GALNT7: variants seen among roughly 807,000 people sequenced by gnomAD.
GALNT7 encodes polypeptide N-acetylgalactosaminyltransferase 7.
A neutral mutation model predicts 82.1 loss-of-function variants in GALNT7; 60 were observed. The ratio of observed to expected loss-of-function variants is 0.73; its 90% CI spans 0.59 to 0.91. The LOEUF (loss-of-function observed/expected upper bound fraction) is 0.91. GALNT7 is among the 40% of genes least tolerant of loss of function. The pLI is 0.00. For missense variants in GALNT7, 660 were observed against 804.2 expected (o/e 0.82, Z 2.17); for synonymous variants, 243 against 275.1 (o/e 0.88, Z 1.15).
intron 1 of GALNT7, among the ~76,000 whole-genome samples, chr4:173,191,349 C>T (rs1159652611): frequency 6.6e-6 from 1 of 152,130 alleles, no homozygotes; most frequent in African/African-American, 2.4e-5. Context: ...GGTGAGTTGC[C>T]TTTAAGCAGC....
At chr4:173,238,359 A>T (rs958873140) in intron 1 of GALNT7, among the ~76,000 whole-genome samples, 2 of 152,204 alleles carry the variant, frequency 1.3e-5, no homozygotes, top group Non-Finnish European at 2.9e-5. Flanking sequence ...AATGCTACTT[A>T]GGAGCTTTCT....
intron 1 of GALNT7, among the ~76,000 whole-genome samples, chr4:173,237,154 AT>A (rs1231893035): frequency 1.1e-4 from 16 of 152,358 alleles, no homozygotes; most frequent in Admixed American, 2.6e-4. Context: ...AGGCTTTAAA[AT>A]GATACATCTG....
chr4:173,182,402 T>TTAAAAA (rs1449328755), intron 1 of GALNT7, among the ~76,000 whole-genome samples: 1 of 152,242 alleles, frequency 6.6e-6, no homozygotes, highest in Non-Finnish European at 1.5e-5. Flanking sequence ...TTAATTCTTT[T>TTAAAAA]TAAAAATAAC....
rs538821135 is a variant in GALNT7 at position 173,190,819 on chromosome 4, T to C, written c.126+21858T>C. 3.3e-5 allele frequency among the ~76,000 whole-genome samples: 5 copies of C among 152,336 alleles called. No individual in the cohort carries two copies. In the South Asian group the frequency reaches 1.0e-3, roughly 32 times the overall value. Reference sequence around the variant, plus strand: ...ATAGAGTCAATGTCTCTTGTCTTTTTTCTGCCAACTGGAATAATCCCTACT... The same window carrying C: ...ATAGAGTCAATGTCTCTTGTCTTTTCTCTGCCAACTGGAATAATCCCTACT... On this transcript the variant is annotated intron_variant, in intron 1 of 11. Transcript: ENST00000265000.
At chr4:173,213,507 G>A (rs1179774464) in intron 1 of GALNT7, among the ~76,000 whole-genome samples, 1 of 152,146 alleles carries the variant, frequency 6.6e-6, no homozygotes, top group Non-Finnish European at 1.5e-5. Flanking sequence ...CAATGAGACA[G>A]TAGTGTTTAA....
intron 1 of GALNT7, among the ~76,000 whole-genome samples, chr4:173,199,359 C>G (rs1054012792): frequency 1.3e-5 from 2 of 152,092 alleles, no homozygotes; most frequent in African/African-American, 4.8e-5. Flanking sequence ...CATCTGCATG[C>G]GAACACTGGG....
At position 173,318,464 on chromosome 4, in the gene GALNT7, C is replaced by A; in HGVS notation, c.1741C>A (p.Gln581Lys). 6.3e-7 allele frequency: 1 copy of A among 1,598,508 alleles called. No individual in the cohort carries two copies. The highest frequency in any genetic ancestry group is 8.6e-7 in the Non-Finnish European group (1 of 1,169,136). ...FRINEANQLM[Q>K]YDQCLTKGAD... Reference sequence around the variant, plus strand: ...AATCAATGAAGCAAATCAACTCATGCAGTATGACCAGTGTTTGACAAAGGG... The same window carrying A: ...AATCAATGAAGCAAATCAACTCATGAAGTATGACCAGTGTTTGACAAAGGG... Residue 581 changes from glutamine (Q) to lysine (K), a missense_variant, in exon 11 of 12, where the codon CAG becomes AAG. Physicochemically the swap from Gln to Lys is moderately conservative, Grantham distance 53 (BLOSUM62 1). Around this residue, in one of 2 missense-constraint regions of GALNT7, gnomAD observed 527 missense variants for 683.5 expected, o/e 0.77. Coordinates refer to ENST00000265000, the MANE Select transcript of GALNT7 (RefSeq NM_017423.3).
In GALNT7 at chr4:173,168,841, G is replaced by A. The variant is rs747786212; in HGVS notation, c.6G>A (p.Arg2=). ...TCTCTCGCCGCCGGAGGAAGATGAG[G>A]CTGAAGATTGGGTTCATCTTACGCA... M[R]LKIGFILRSL... The change falls in exon 1 of 12, where the codon AGG becomes AGA. Residue 2 remains arginine, a synonymous_variant. Coordinates refer to ENST00000265000, the MANE Select transcript of GALNT7 (RefSeq NM_017423.3). 7.4e-6 allele frequency: 12 copies of A among 1,613,030 alleles called. No individual in the cohort carries two copies. In the East Asian group the frequency reaches 2.7e-4, roughly 36 times the overall value.
chr4:173,196,216 C>T (rs1732771041), intron 1 of GALNT7, among the ~76,000 whole-genome samples: 1 of 152,012 alleles, frequency 6.6e-6, no homozygotes, highest in Non-Finnish European at 1.5e-5. Flanking sequence ...CCTCCACCTC[C>T]TAGGTTCAAG....
chr4:173,261,948 T>G (rs1010776169), intron 2 of GALNT7, among the ~76,000 whole-genome samples: 1 of 152,204 alleles, frequency 6.6e-6, no homozygotes, highest in Admixed American at 6.5e-5. Flanking sequence ...CATTTAAGAA[T>G]AATAATTTCA....
chr4:173,223,175 A>G (rs1733697011), intron 1 of GALNT7, among the ~76,000 whole-genome samples: 2 of 152,294 alleles, frequency 1.3e-5, no homozygotes, highest in Admixed American at 1.3e-4. Flanking sequence ...ATAACCATTG[A>G]TACACACTGT....
chr4:173,245,604 A>G (rs1319360089), intron 1 of GALNT7, among the ~76,000 whole-genome samples: 1 of 152,158 alleles, frequency 6.6e-6, no homozygotes, highest in African/African-American at 2.4e-5. Flanking sequence ...TTTTTGTGTT[A>G]TACTTGTTTC....
At chr4:173,188,745 T>G (rs1732531632) in intron 1 of GALNT7, among the ~76,000 whole-genome samples, 1 of 152,200 alleles carries the variant, frequency 6.6e-6, no homozygotes, top group Non-Finnish European at 1.5e-5. Context: ...CTTACCATCC[T>G]TCAAGATCAG....
intron 1 of GALNT7, among the ~76,000 whole-genome samples, chr4:173,199,124 C>A (rs71609815): frequency 0.03 from 4,638 of 152,148 alleles, 91 homozygotes; most frequent in Non-Finnish European, 0.048. Context: ...TGTAGTAAAT[C>A]TTTTTCGAGC....
Position 173,222,310 on chromosome 4 carries a change from A to AGTG in GALNT7, c.127-25670_127-25669insGTG, listed in dbSNP as rs1471188925. Among the ~76,000 whole-genome samples the AGTG allele has an allele frequency of 2.4e-4, 36 of 151,948 alleles. No individual in the cohort carries two copies. The East Asian group carries it at 6.6e-3, about 28-fold the overall frequency. ...TTTTTTGAGATGGAGTCTCGCTCTG[A>AGTG]CCCCCAGGCTGGAGTGCAATGACGT... On this transcript the variant is annotated intron_variant, in intron 1 of 11. Transcript: ENST00000265000.
chr4:173,179,283 G>A (rs562876831), intron 1 of GALNT7, among the ~76,000 whole-genome samples: 2 of 152,182 alleles, frequency 1.3e-5, no homozygotes, highest in Non-Finnish European at 1.5e-5. Flanking sequence ...AGTTGGGTAT[G>A]TCAGCATTTT....
chr4:173,295,399 A>G lies in GALNT7; in HGVS notation c.758A>G (p.His253Arg). The part of the protein sequence containing the change: ...VLIDDFSNKE[H>R]LKEKLDEYIK... ...ATCGATTGATTTTTCTTAACAGAAC[A>G]CTTAAAAGAAAAACTGGATGAATAT... Residue 253 changes from histidine to arginine, a missense_variant, in exon 4 of 12, where the codon CAC (histidine) becomes CGC (arginine). Coordinates refer to ENST00000265000, the MANE Select transcript of GALNT7 (RefSeq NM_017423.3). 6.4e-7 allele frequency: 1 copy of G among 1,570,634 alleles called. No homozygotes were observed. The highest frequency in any genetic ancestry group is 8.8e-7 in the Non-Finnish European group (1 of 1,141,752).
intron 1 of GALNT7, among the ~76,000 whole-genome samples, chr4:173,191,713 G>A (rs1037225704): frequency 3.3e-5 from 5 of 152,160 alleles, no homozygotes; most frequent in East Asian, 1.9e-4. Flanking sequence ...TCACTTTTAC[G>A]TGAGAAAGCA....
At chr4:173,262,874 T>G (rs1433588693) in intron 2 of GALNT7, among the ~76,000 whole-genome samples, 1 of 152,160 alleles carries the variant, frequency 6.6e-6, no homozygotes, top group East Asian at 1.9e-4. Flanking sequence ...TAAATCTTCA[T>G]CAAGGAAGAC....
Sources: allele counts gnomAD v4.1 joint callset (sites outside exome capture counted in the v4.1 genomes callset), GRCh38; gene constraint gnomAD v4.1.1; regional missense constraint gnomAD v4.1.1; transcripts MANE v1.5; gene names NCBI Gene and HGNC (gene_info 2026-07-23, HGNC 2026-07-21).